Variants in ANO2 observed in about 807,000 individuals in gnomAD.
The protein encoded by ANO2 is anoctamin-2.
A neutral mutation model predicts 124.2 loss-of-function variants in ANO2; 101 were observed. The ratio of observed to expected loss-of-function variants is 0.81; its 90% confidence interval spans 0.69 to 0.96. ANO2 has a LOEUF of 0.96. ANO2 is among the 40% of genes least tolerant of loss of function. ANO2 has a pLI of 0.00. For synonymous variants in ANO2, 486 were observed against 482.5 expected (o/e 1.01, Z -0.09); for missense variants, 1,293 against 1,274.5 (o/e 1.01, Z -0.22).
intron 13 of ANO2, among the ~76,000 whole-genome samples, chr12:5,733,804 A>G (rs1397621060): frequency 6.6e-6 from 1 of 152,180 alleles, no homozygotes; most frequent in Admixed American, 6.5e-5. Flanking sequence ...CAACATACCT[A>G]CCAGGTGGGG....
At chr12:5,939,213 C>CAACAAAAAAAAAA (rs750334809) in intron 1 of ANO2, among the ~76,000 whole-genome samples, 1 of 86,178 alleles carries the variant, frequency 1.2e-5, no homozygotes, top group Non-Finnish European at 2.1e-5. Context: ...AAGACTCCAA[C>CAACAAAAAAAAAA]AAAAAAAAAA....
chr12:5,805,038 C>A (rs1176731941), intron 9 of ANO2, among the ~76,000 whole-genome samples: 1 of 152,130 alleles, frequency 6.6e-6, no homozygotes, highest in Non-Finnish European at 1.5e-5. Flanking sequence ...GGAAATTAAA[C>A]ACCGAGACTA....
chr12:5,788,689 G>C (rs1176371124), intron 10 of ANO2, among the ~76,000 whole-genome samples: 2 of 152,148 alleles, frequency 1.3e-5, no homozygotes, highest in Non-Finnish European at 2.9e-5. Context: ...TTCCTGAGTA[G>C]CTGGGATTAC....
intron 20 of ANO2, among the ~76,000 whole-genome samples, chr12:5,597,322 T>TC (rs1348457842): frequency 6.6e-6 from 1 of 152,134 alleles, no homozygotes; most frequent in African/African-American, 2.4e-5. Context: ...ATGGTTTAGC[T>TC]CCCACTTATA....
chr12:5,764,574 T>C lies in ANO2; in HGVS notation c.1056-13604A>G, dbSNP rs78925046. On this transcript the variant is annotated intron_variant, in intron 10 of 24. Coordinates refer to ENST00000682330, the MANE Select transcript of ANO2 (RefSeq NM_001364791.2). ...ATTATAATGAATTCCAGGAAGGATT[T>C]AGAGAAGAAAAGAAAATGTTGGGCA... is the stretch of plus-strand genomic sequence containing the variant. 3.5e-3 allele frequency among the ~76,000 whole-genome samples: 526 copies of C among 152,282 alleles called. 4 individuals are homozygous for C. The highest frequency in any genetic ancestry group is 0.011 in the African/African-American group (461 of 41,540).
At chr12:5,846,481 T>C (rs1419993624) in intron 4 of ANO2, among the ~76,000 whole-genome samples, 2 of 152,212 alleles carry the variant, frequency 1.3e-5, no homozygotes, top group East Asian at 1.9e-4. Flanking sequence ...AGGTCTTCAA[T>C]TGTCTGCTTA....
intron 7 of ANO2, among the ~76,000 whole-genome samples, chr12:5,825,208 T>G (rs1255698901): frequency 6.6e-6 from 1 of 151,630 alleles, no homozygotes. Flanking sequence ...AATTCACTGG[T>G]CTTACCATGT....
intron 14 of ANO2, among the ~76,000 whole-genome samples, chr12:5,677,331 G>T (rs1948292733): frequency 1.3e-5 from 2 of 152,156 alleles, no homozygotes; most frequent in Admixed American, 6.5e-5. Flanking sequence ...ATATAAGCAA[G>T]AAATTATTCT....
chr12:5,678,907 C>T (rs1406271161), intron 14 of ANO2, among the ~76,000 whole-genome samples: 3 of 152,162 alleles, frequency 2.0e-5, no homozygotes, highest in African/African-American at 4.8e-5. Context: ...GACATTTGAA[C>T]TGGTCAACTG....
intron 14 of ANO2, among the ~76,000 whole-genome samples, chr12:5,671,753 A>T (rs1280145295): frequency 1.3e-5 from 2 of 152,158 alleles, no homozygotes; most frequent in Non-Finnish European, 2.9e-5. Flanking sequence ...AAGCCTAGAG[A>T]TATACTCAGC....
intron 16 of ANO2, among the ~76,000 whole-genome samples, chr12:5,623,548 A>G (rs553385990): frequency 3.1e-4 from 47 of 152,220 alleles, no homozygotes; most frequent in African/African-American, 1.1e-3. Flanking sequence ...CTGCCTTGGA[A>G]AACAATTAGT....
intron 4 of ANO2, among the ~76,000 whole-genome samples, chr12:5,842,223 C>T (rs1954534943): frequency 6.6e-6 from 1 of 152,140 alleles, no homozygotes; most frequent in Non-Finnish European, 1.5e-5. Flanking sequence ...CTGAATCCTC[C>T]CCACACCAGT....
At chr12:5,895,187 T>C (rs961753297) in intron 3 of ANO2, among the ~76,000 whole-genome samples, 1 of 152,186 alleles carries the variant, frequency 6.6e-6, no homozygotes, top group Admixed American at 6.5e-5. Flanking sequence ...TTTGTAGTTG[T>C]CCATGAAGAG....
At chr12:5,587,073 G>C (rs7299338) in intron 20 of ANO2, among the ~76,000 whole-genome samples, 8,176 of 152,142 alleles carry the variant, frequency 0.054, 717 homozygotes, top group African/African-American at 0.19. Context: ...CTGACAGCCC[G>C]TCCCCACACC....
At position 5,658,979 on chromosome 12, in the gene ANO2, G is replaced by A. The variant is rs1947315810; in HGVS notation, c.1546-11178C>T. ...TGGCCCCAACTGATAAGGAAACCCA[G>A]TTAATTATGGGCAATGTTTTCTACA... is the stretch of plus-strand genomic sequence containing the variant. On this transcript the variant is annotated intron_variant, in intron 14 of 24. Transcript: ENST00000682330. This position sits in a 1 kb window ranked among gnomAD's most constrained non-coding sequence, Gnocchi z 4.3. Among the ~76,000 whole-genome samples, 1 of 152,138 alleles carries A rather than the reference G, an allele frequency of 6.6e-6. No homozygotes were observed. The highest frequency in any genetic ancestry group is 1.5e-5 in the Non-Finnish European group (1 of 68,032).
At chr12:5,781,296 G>A (rs1952386647) in intron 10 of ANO2, among the ~76,000 whole-genome samples, 1 of 152,194 alleles carries the variant, frequency 6.6e-6, no homozygotes, top group Non-Finnish European at 1.5e-5. Context: ...ATATGAACTG[G>A]CCAGACATAT....
intron 12 of ANO2, among the ~76,000 whole-genome samples, chr12:5,739,750 C>T: frequency 6.6e-6 from 1 of 152,090 alleles, no homozygotes; most frequent in Middle Eastern, 3.2e-3. Flanking sequence ...TTTGACAAGC[C>T]TCATCTTGCC....
At chr12:5,891,490 G>T (rs1939397635) in intron 3 of ANO2, among the ~76,000 whole-genome samples, 1 of 152,162 alleles carries the variant, frequency 6.6e-6, no homozygotes, top group Admixed American at 6.5e-5. Flanking sequence ...CTGAAGGATG[G>T]CAAAGAGGGT....
chr12:5,587,245 G>C (rs1005771642), intron 20 of ANO2, among the ~76,000 whole-genome samples: 9 of 152,210 alleles, frequency 5.9e-5, no homozygotes, highest in African/African-American at 9.7e-5. Flanking sequence ...ACAATTTAGT[G>C]AGTATCATGA....
Sources: allele counts gnomAD v4.1 joint callset (sites outside exome capture counted in the v4.1 genomes callset), GRCh38; gene constraint gnomAD v4.1.1; non-coding constraint Gnocchi (gnomAD v3.1); transcripts MANE v1.5; gene names NCBI Gene and HGNC (gene_info 2026-07-23, HGNC 2026-07-21).